LARGE1: variants seen among roughly 807,000 people sequenced by gnomAD.
LARGE1 encodes LARGE xylosyl- and glucuronyltransferase 1, also known as xylosyl- and glucuronyltransferase LARGE1.
Under a neutral mutation model 87.6 loss-of-function variants are expected in LARGE1, and 43 were observed. The observed-to-expected ratio is 0.49, with a 90% CI of 0.38 to 0.63. The LOEUF (loss-of-function observed/expected upper bound fraction) is 0.63. Among genes scored for constraint, LARGE1 ranks in the 30% least tolerant of loss-of-function variants. The pLI is 0.00. For missense variants in LARGE1, 802 were observed against 1,000.2 expected (o/e 0.80, Z 2.67); for synonymous variants, 434 against 394.6 (o/e 1.10, Z -1.18).
Position 33,448,179 on chromosome 22 carries a change from G to A in LARGE1, c.788-15914C>T, listed in dbSNP as rs1302073475. Among the ~76,000 whole-genome samples, 7 of 152,172 alleles carry A rather than the reference G, an allele frequency of 4.6e-5. No individual in the cohort carries two copies. In the East Asian group the frequency reaches 1.2e-3, roughly 25 times the overall value. On this transcript the variant is annotated intron_variant, in intron 6 of 14. Coordinates refer to ENST00000397394, the MANE Select transcript of LARGE1 (RefSeq NM_133642.5). ...CATCTTGAAACTAGAGACATCAAGT[G>A]GTTGCACAACGTTGTGAAAACACTA...
chr22:33,605,643 A>G (rs193239069), intron 4 of LARGE1, among the ~76,000 whole-genome samples: 8 of 152,344 alleles, frequency 5.3e-5, no homozygotes, highest in African/African-American at 1.7e-4. Context: ...TCAGTCAAGA[A>G]CTACTAGCAT....
chr22:33,598,681 T>C (rs919595945), intron 5 of LARGE1, among the ~76,000 whole-genome samples: 3 of 152,224 alleles, frequency 2.0e-5, no homozygotes, highest in South Asian at 4.1e-4. Context: ...GCTTCATCCA[T>C]GTTCCTACAA....
At chr22:33,251,391 G>T (rs1927005148) in intron 11 of LARGE1, among the ~76,000 whole-genome samples, 2 of 152,038 alleles carry the variant, frequency 1.3e-5, no homozygotes, top group African/African-American at 4.8e-5. Context: ...AAGAAATTGG[G>T]TATGCATCAG....
At chr22:33,652,412 A>C (rs963606298) in intron 2 of LARGE1, among the ~76,000 whole-genome samples, 1 of 152,148 alleles carries the variant, frequency 6.6e-6, no homozygotes, top group African/African-American at 2.4e-5. Context: ...AAGGATACTT[A>C]TATCACCTTG....
intron 2 of LARGE1, among the ~76,000 whole-genome samples, chr22:33,657,517 T>C (rs1042422507): frequency 6.6e-6 from 1 of 152,136 alleles, no homozygotes; most frequent in Non-Finnish European, 1.5e-5. Flanking sequence ...CATTGTAGCA[T>C]AAAAGCGGCC....
intron 11 of LARGE1, among the ~76,000 whole-genome samples, chr22:33,174,246 G>A (rs1267303364): frequency 1.3e-5 from 2 of 152,058 alleles, no homozygotes; most frequent in African/African-American, 4.8e-5. Context: ...TAACTACTGG[G>A]TAAATAATGA....
intron 2 of LARGE1, among the ~76,000 whole-genome samples, chr22:33,755,808 A>G (rs1471475251): frequency 6.6e-6 from 1 of 152,188 alleles, no homozygotes; most frequent in Non-Finnish European, 1.5e-5. Context: ...GTGCTCAGTT[A>G]GACACTGGGA....
At position 33,315,340 on chromosome 22, in the gene LARGE1, G is replaced by T. The variant is rs1601412631; in HGVS notation, c.1451+745C>A. ...GACAAGGTTGAGAAGCAGTGCATTG[G>T]CTTGTAAGCTACATCAGGGCGGGGC... On this transcript the variant is annotated intron_variant, in intron 11 of 14. Transcript: ENST00000397394. Among the ~76,000 whole-genome samples, 5 of 152,294 alleles carry T rather than the reference G, an allele frequency of 3.3e-5. 1 individual carries two copies. In the South Asian group the frequency reaches 1.0e-3, roughly 32 times the overall value.
At chr22:33,230,005 T>C (rs1443900398) in intron 11 of LARGE1, among the ~76,000 whole-genome samples, 1 of 39,154 alleles carries the variant, frequency 2.6e-5, no homozygotes, top group Middle Eastern at 0.01. Flanking sequence ...TTCAAAGTTC[T>C]TTTTTTTTTT....
chr22:33,567,296 G>A (rs2078056940), intron 5 of LARGE1, among the ~76,000 whole-genome samples: 1 of 152,122 alleles, frequency 6.6e-6, no homozygotes, highest in Non-Finnish European at 1.5e-5. Flanking sequence ...TCACACAGTG[G>A]TATAAAAATT....
intron 1 of LARGE1, among the ~76,000 whole-genome samples, chr22:33,901,743 A>AG (rs1423893148): frequency 6.6e-6 from 1 of 152,236 alleles, no homozygotes; most frequent in Non-Finnish European, 1.5e-5. Context: ...TGGCAGATAA[A>AG]GGGGTGATGA....
intron 9 of LARGE1, among the ~76,000 whole-genome samples, chr22:33,358,679 T>A (rs2064269409): frequency 6.6e-6 from 1 of 152,150 alleles, no homozygotes; most frequent in Non-Finnish European, 1.5e-5. Flanking sequence ...GGTCTAAAAT[T>A]CAGCCTCTGA....
Position 33,279,429 on chromosome 22 carries a change from G to A in LARGE1, c.1878-2174C>T, listed in dbSNP as rs754333255. 3.3e-5 allele frequency among the ~76,000 whole-genome samples: 5 copies of A among 152,316 alleles called. 1 individual carries two copies. The highest frequency in any genetic ancestry group is 3.3e-4 in the Admixed American group (5 of 15,302). ...ACTGAGTGTTCCGTGTGGCCAATGG[G>A]ACACTTTCTGGCAGGGAATGCAACT... On this transcript the variant is annotated intron_variant, in intron 13 of 14. Coordinates refer to ENST00000397394, the MANE Select transcript of LARGE1 (RefSeq NM_133642.5).
chr22:33,583,857 C>G (rs2078591516), intron 5 of LARGE1, among the ~76,000 whole-genome samples: 1 of 152,188 alleles, frequency 6.6e-6, no homozygotes, highest in Non-Finnish European at 1.5e-5. Flanking sequence ...GCTCCCTTAG[C>G]ACTTTCCAAG....
chr22:33,513,293 T>A (rs1007765580), intron 6 of LARGE1, among the ~76,000 whole-genome samples: 19 of 152,222 alleles, frequency 1.2e-4, no homozygotes, highest in African/African-American at 4.3e-4. Flanking sequence ...CAATCTTCAG[T>A]AATTTAAGGG....
intron 2 of LARGE1, among the ~76,000 whole-genome samples, chr22:33,686,222 A>G (rs561889220): frequency 1.4e-4 from 21 of 152,070 alleles, no homozygotes; most frequent in Non-Finnish European, 2.5e-4. Context: ...GAGATGCTCA[A>G]TGTCCCTCCC....
intron 11 of LARGE1, among the ~76,000 whole-genome samples, chr22:33,231,268 C>G (rs370623974): frequency 2.0e-4 from 31 of 152,176 alleles, no homozygotes; most frequent in Non-Finnish European, 2.9e-4. Context: ...ACAACTTTCA[C>G]GGTATAGTAC....
intron 10 of LARGE1, among the ~76,000 whole-genome samples, chr22:33,329,701 G>A (rs1259935081): frequency 6.6e-6 from 1 of 152,092 alleles, no homozygotes; most frequent in Non-Finnish European, 1.5e-5. Flanking sequence ...ACTGAGTTTA[G>A]TGTTTGCTTA....
chr22:33,165,758 G>C (rs566714910), exon 12 of LARGE1: 1 of 152,102 alleles, frequency 6.6e-6, no homozygotes, highest in African/African-American at 2.4e-5. Context: ...GTCCTTAACT[G>C]CTGTTTGTGA....
Sources: allele counts gnomAD v4.1 joint callset (sites outside exome capture counted in the v4.1 genomes callset), GRCh38; gene constraint gnomAD v4.1.1; transcripts MANE v1.5; gene names NCBI Gene and HGNC (gene_info 2026-07-23, HGNC 2026-07-21).